Variants in CDH18 observed in about 807,000 individuals in gnomAD.
CDH18 encodes cadherin-18.
A neutral mutation model predicts 67.9 loss-of-function variants in CDH18; 31 were observed. The ratio of observed to expected loss-of-function variants is 0.46; its 90% CI spans 0.34 to 0.62. CDH18 has a LOEUF of 0.62. Ranked by LOEUF, CDH18 falls within the 20% of genes least tolerant of loss-of-function variation. The pLI, the probability that CDH18 is intolerant of heterozygous loss-of-function variation, is 0.01. For missense variants in CDH18, 890 were observed against 975.5 expected, an observed-to-expected ratio of 0.91 and a Z score of 1.17; for synonymous variants, 362 against 347.2, an observed-to-expected ratio of 1.04 and a Z score of -0.48.
intron 1 of CDH18, among the ~76,000 whole-genome samples, chr5:20,300,420 G>A (rs955346705): frequency 1.3e-5 from 2 of 151,886 alleles, no homozygotes; most frequent in Non-Finnish European, 2.9e-5. Flanking sequence ...AGACCAGGAT[G>A]TACTTTTTTT....
At chr5:20,282,486 C>T (rs1237174669) in intron 1 of CDH18, among the ~76,000 whole-genome samples, 20 of 151,984 alleles carry the variant, frequency 1.3e-4, no homozygotes, top group Admixed American at 1.2e-3. Context: ...TGGTTTTTCT[C>T]GTTGGTTCTG....
intron 2 of CDH18, among the ~76,000 whole-genome samples, chr5:20,136,178 T>C (rs1213770621): frequency 6.6e-6 from 1 of 152,212 alleles, no homozygotes; most frequent in East Asian, 1.9e-4. Flanking sequence ...ATCTGTCTAA[T>C]GTTGACAGTG....
At chr5:19,714,267 T>G (rs1182777941) in intron 5 of CDH18, among the ~76,000 whole-genome samples, 3 of 105,850 alleles carry the variant, frequency 2.8e-5, no homozygotes, top group African/African-American at 7.7e-5. Context: ...TACAGGGAAG[T>G]TGGAAAAATC....
intron 1 of CDH18, among the ~76,000 whole-genome samples, chr5:20,381,597 T>G (rs948979485): frequency 2.6e-5 from 4 of 152,150 alleles, no homozygotes; most frequent in Non-Finnish European, 4.4e-5. Context: ...TGCTTTTCTG[T>G]GTAATTTCCT....
chr5:19,590,507 T>TAGATAGATAGAC (rs1334717705), intron 7 of CDH18, among the ~76,000 whole-genome samples: 2 of 149,830 alleles, frequency 1.3e-5, no homozygotes, highest in Non-Finnish European at 1.5e-5. Flanking sequence ...GATAGATAGA[T>TAGATAGATAGAC]AGACAGACAG....
intron 5 of CDH18, among the ~76,000 whole-genome samples, chr5:19,614,416 T>C (rs1163510013): frequency 4.0e-5 from 6 of 151,464 alleles, no homozygotes; most frequent in Non-Finnish European, 8.8e-5. Flanking sequence ...ATCTAACTCA[T>C]GCATATGAAA....
intron 2 of CDH18, among the ~76,000 whole-genome samples, chr5:20,009,127 A>G (rs1737179355): frequency 6.6e-6 from 1 of 152,148 alleles, no homozygotes; most frequent in Non-Finnish European, 1.5e-5. Flanking sequence ...CTGGGTATAC[A>G]GGACGAAGGA....
At chr5:20,368,028 G>T (rs1041597482) in intron 1 of CDH18, among the ~76,000 whole-genome samples, 1 of 152,102 alleles carries the variant, frequency 6.6e-6, no homozygotes, top group African/African-American at 2.4e-5. Context: ...GTCCTTATGT[G>T]GTTCCACTGT....
intron 2 of CDH18, among the ~76,000 whole-genome samples, chr5:20,226,098 G>A (rs967318176): frequency 2.6e-5 from 4 of 151,904 alleles, no homozygotes; most frequent in East Asian, 1.9e-4. Context: ...AATTTGAGTC[G>A]GAAATCTTTA....
At chr5:19,824,550 A>T (rs905181306) in intron 3 of CDH18, among the ~76,000 whole-genome samples, 1 of 152,218 alleles carries the variant, frequency 6.6e-6, no homozygotes, top group African/African-American at 2.4e-5. Flanking sequence ...TGAAGTGGCA[A>T]CTTTGGAGTT....
At chr5:20,110,465 C>T (rs1467312384) in intron 2 of CDH18, among the ~76,000 whole-genome samples, 2 of 152,048 alleles carry the variant, frequency 1.3e-5, no homozygotes, top group Admixed American at 6.5e-5. Flanking sequence ...GGTGGATTAC[C>T]TCAGGTCAGG....
At position 20,545,290 on chromosome 5, in the gene CDH18, T is replaced by C. The variant is rs1379123525; in HGVS notation, c.-580+30172A>G. Among the ~76,000 whole-genome samples, 3 of 152,142 alleles carry C rather than the reference T, an allele frequency of 2.0e-5. No homozygotes were observed. In the East Asian group the frequency reaches 5.8e-4, roughly 29 times the overall value. On this transcript the variant is annotated intron_variant, in intron 1 of 14. Coordinates refer to the CDH18 transcript ENST00000507958. ...TGTCATTGGATATACATTTCTGGGG[T>C]CTGGAGAATGGTGGGCCTCTTCTCA...
intron 2 of CDH18, among the ~76,000 whole-genome samples, chr5:20,189,048 T>C (rs1311688728): frequency 2.0e-5 from 3 of 152,022 alleles, no homozygotes; most frequent in African/African-American, 7.2e-5. Flanking sequence ...CAGATTAATA[T>C]CTAACTGCAG....
chr5:20,513,755 C>T (rs1259778214), intron 1 of CDH18, among the ~76,000 whole-genome samples: 1 of 144,574 alleles, frequency 6.9e-6, no homozygotes, highest in Non-Finnish European at 1.5e-5. Context: ...TTTATTTTTC[C>T]CCTTTATATA....
At chr5:20,492,121 C>T (rs547165704) in intron 1 of CDH18, among the ~76,000 whole-genome samples, 1 of 152,032 alleles carries the variant, frequency 6.6e-6, no homozygotes, top group Admixed American at 6.5e-5. Context: ...TTCTGAGGGC[C>T]ATACTGTACC....
chr5:19,748,006 G>A (rs1285770851), intron 3 of CDH18, among the ~76,000 whole-genome samples: 1 of 148,370 alleles, frequency 6.7e-6, no homozygotes, highest in African/African-American at 2.5e-5. Context: ...CCAGCTACTC[G>A]GGGGGCTGAG....
At chr5:20,111,083 A>G (rs1047512987) in intron 2 of CDH18, among the ~76,000 whole-genome samples, 19 of 152,182 alleles carry the variant, frequency 1.2e-4, no homozygotes, top group South Asian at 6.2e-4. Flanking sequence ...ATACTAGGAT[A>G]ATAGTTATTT....
chr5:20,453,131 A>T lies in CDH18; in HGVS notation c.-580+122331T>A, dbSNP rs550570674. 4.6e-5 allele frequency among the ~76,000 whole-genome samples: 7 copies of T among 152,240 alleles called. No individual in the cohort carries two copies. In the East Asian group the frequency reaches 1.4e-3, roughly 30 times the overall value. Reference sequence around the variant, plus strand: ...ACAGGGGCCCCTTGCTCAAACCTGCACCCTGGTACTCATGACTATACCATT... The same window carrying T: ...ACAGGGGCCCCTTGCTCAAACCTGCTCCCTGGTACTCATGACTATACCATT... On this transcript the variant is annotated intron_variant, in intron 1 of 14. Coordinates refer to the CDH18 transcript ENST00000507958.
chr5:20,010,245 T>G (rs1478326137), intron 2 of CDH18, among the ~76,000 whole-genome samples: 2 of 151,900 alleles, frequency 1.3e-5, no homozygotes, highest in African/African-American at 4.8e-5. Flanking sequence ...TCTTTTTAAT[T>G]TTTTTTAATT....
Sources: allele counts gnomAD v4.1 joint callset (sites outside exome capture counted in the v4.1 genomes callset), GRCh38; gene constraint gnomAD v4.1.1; transcripts MANE v1.5; gene names NCBI Gene and HGNC (gene_info 2026-07-23, HGNC 2026-07-21).